COP1: variants seen among roughly 807,000 people sequenced by gnomAD.
COP1 encodes COP1 E3 ubiquitin ligase, also known as E3 ubiquitin-protein ligase COP1.
Under a neutral mutation model 101.3 loss-of-function variants are expected in COP1, and 24 were observed. The ratio of observed to expected loss-of-function variants is 0.24; its 90% CI spans 0.17 to 0.33. COP1 has a LOEUF of 0.33. Among genes scored for constraint, COP1 ranks in the 10% least tolerant of loss-of-function variants. The probability of loss-of-function intolerance (pLI) is 1.00; values close to 1 mark genes in which losing one functional copy is unlikely to be tolerated. For synonymous variants in COP1, 347 were observed against 341.9 expected (o/e 1.01, Z -0.17); for missense variants, 663 against 906.2 (o/e 0.73, Z 3.45).
At chr1:176,144,717 G>T (rs1472763623) in intron 6 of COP1, among the ~76,000 whole-genome samples, 2 of 152,068 alleles carry the variant, frequency 1.3e-5, no homozygotes, top group African/African-American at 4.8e-5. Flanking sequence ...CCTAGAAACA[G>T]ACCCACACAT....
intron 18 of COP1, among the ~76,000 whole-genome samples, chr1:175,948,499 A>G (rs1387814968): frequency 2.0e-5 from 3 of 152,240 alleles, no homozygotes; most frequent in African/African-American, 4.8e-5. Context: ...CAAAGCAATA[A>G]TAAGAACAAA....
At chr1:176,202,520 C>T (rs1337459221) in intron 1 of COP1, among the ~76,000 whole-genome samples, 1 of 151,782 alleles carries the variant, frequency 6.6e-6, no homozygotes, top group African/African-American at 2.4e-5. Flanking sequence ...AACAGAGCCA[C>T]GTGTTTTTCA....
At chr1:176,025,567 A>G (rs1667525610) in intron 15 of COP1, among the ~76,000 whole-genome samples, 1 of 152,074 alleles carries the variant, frequency 6.6e-6, no homozygotes, top group Admixed American at 6.6e-5. Flanking sequence ...TCCAGAACCT[A>G]AAGTAAGTAT....
chr1:176,197,926 ATACT>A (rs1182828606), intron 1 of COP1, among the ~76,000 whole-genome samples: 1 of 152,190 alleles, frequency 6.6e-6, no homozygotes, highest in Non-Finnish European at 1.5e-5. Context: ...AAAACATAAA[ATACT>A]TAGGGGTAAA....
intron 8 of COP1, among the ~76,000 whole-genome samples, chr1:176,133,539 C>T (rs1689294510): frequency 6.6e-6 from 1 of 151,860 alleles, no homozygotes; most frequent in Non-Finnish European, 1.5e-5. Context: ...CTCCCCCAAC[C>T]TCCATACACA....
chr1:176,042,856 C>G (rs1261156784), intron 14 of COP1, among the ~76,000 whole-genome samples: 2 of 151,608 alleles, frequency 1.3e-5, no homozygotes, highest in African/African-American at 2.4e-5. Flanking sequence ...TGTTGAAACC[C>G]CATCTCTACC....
chr1:175,964,012 T>C (rs1429158558), intron 18 of COP1, among the ~76,000 whole-genome samples: 2 of 152,236 alleles, frequency 1.3e-5, no homozygotes, highest in African/African-American at 4.8e-5. Flanking sequence ...ATTTACTGAT[T>C]GATCATTTAT....
intron 15 of COP1, among the ~76,000 whole-genome samples, chr1:176,007,267 A>C (rs923212859): frequency 6.6e-6 from 1 of 152,084 alleles, no homozygotes; most frequent in Non-Finnish European, 1.5e-5. Flanking sequence ...CAATGTTTTC[A>C]ACTTCTTTGC....
chr1:176,056,126 T>A (rs1278637917), intron 11 of COP1, among the ~76,000 whole-genome samples: 3 of 152,202 alleles, frequency 2.0e-5, no homozygotes, highest in Non-Finnish European at 4.4e-5. Flanking sequence ...TTTCTAAGTT[T>A]GTAATAAATG....
chr1:176,142,268 G>A (rs879857419), intron 6 of COP1, among the ~76,000 whole-genome samples: 13 of 151,566 alleles, frequency 8.6e-5, no homozygotes, highest in African/African-American at 2.2e-4. Context: ...ATGGAATTCC[G>A]AAAAGAAACT....
intron 1 of COP1, among the ~76,000 whole-genome samples, chr1:176,200,513 AC>A (rs1488505745): frequency 1.3e-5 from 2 of 152,150 alleles, no homozygotes; most frequent in Non-Finnish European, 2.9e-5. Flanking sequence ...AAAATGTACC[AC>A]CCCAAACCAC....
intron 2 of COP1, among the ~76,000 whole-genome samples, chr1:176,182,223 C>A (rs965589904): frequency 6.6e-6 from 1 of 151,992 alleles, no homozygotes. Context: ...ACTTTTAAAT[C>A]CATAAAAAGA....
chr1:176,039,663 T>G (rs1382155110), intron 14 of COP1, among the ~76,000 whole-genome samples: 3 of 151,982 alleles, frequency 2.0e-5, no homozygotes, highest in Non-Finnish European at 4.4e-5. Flanking sequence ...AGAACAAAGA[T>G]GGAGGACTTA....
intron 11 of COP1, among the ~76,000 whole-genome samples, chr1:176,058,545 G>C (rs1207205383): frequency 2.0e-5 from 3 of 152,160 alleles, no homozygotes; most frequent in Admixed American, 2.0e-4. Context: ...TTGTTAAACA[G>C]ATGATTGAAG....
chr1:176,136,855 T>C (rs1689876281), intron 6 of COP1, among the ~76,000 whole-genome samples: 1 of 152,106 alleles, frequency 6.6e-6, no homozygotes, highest in African/African-American at 2.4e-5. Context: ...GCCAAAGAAC[T>C]TTCACATTAC....
rs546009927 is a variant in COP1, at chr1:176,104,528, TAGTAAACC to T, written c.1026+12088_1026+12095del. ...GTATACTACTCACTAATAAGTATAT[TAGTAAACC>T]AGTAAACATATGAAAACATAGTCAA... On this transcript the variant is annotated intron_variant, in intron 9 of 19. Transcript: ENST00000367669. 6.0e-3 allele frequency among the ~76,000 whole-genome samples: 920 copies of T among 152,280 alleles called. 5 individuals are homozygous for T. Among genetic ancestry groups the T allele is most frequent in the Non-Finnish European group, 9.5e-3 (647 of 68,008 alleles).
At chr1:175,990,179 T>C (rs571844480) in intron 15 of COP1, among the ~76,000 whole-genome samples, 2 of 152,274 alleles carry the variant, frequency 1.3e-5, no homozygotes, top group South Asian at 4.1e-4. Context: ...TCCTTTTACA[T>C]TTCCTTTGTT....
intron 8 of COP1, among the ~76,000 whole-genome samples, chr1:176,124,316 G>A (rs775665880): frequency 2.5e-4 from 37 of 150,850 alleles, no homozygotes; most frequent in Admixed American, 9.9e-4. Context: ...AATTATTATT[G>A]ACTATAGTCA....
chr1:176,036,633 T>C (rs1222513140), intron 14 of COP1, among the ~76,000 whole-genome samples: 1 of 152,054 alleles, frequency 6.6e-6, no homozygotes, highest in African/African-American at 2.4e-5. Context: ...GAGAATGCAA[T>C]GTGCATTCAG....
Sources: gnomAD v4.1 joint callset for allele counts (sites outside exome capture counted in the v4.1 genomes callset) on GRCh38, gnomAD v4.1.1 for gene constraint, MANE v1.5 for transcripts, NCBI Gene and HGNC (gene_info 2026-07-23, HGNC 2026-07-21) for gene names.